The following SYNE2 variants were observed in gnomAD, a reference collection of about 807,000 sequenced individuals.
SYNE2 encodes spectrin repeat containing nuclear envelope protein 2, also known as nesprin-2.
In SYNE2, 431 loss-of-function variants were observed where a neutral mutation model predicts 856.3. The ratio of observed to expected loss-of-function variants is 0.50; its 90% CI spans 0.47 to 0.55. The LOEUF (loss-of-function observed/expected upper bound fraction) is 0.55, where lower values mean the gene tolerates loss of function less well. Ranked by LOEUF, SYNE2 falls within the 20% of genes least tolerant of loss-of-function variation. The pLI is 0.00. For missense variants in SYNE2, 8,129 were observed against 8,023.2 expected, an observed-to-expected ratio of 1.01 and a Z score of -0.50; for synonymous variants, 2,923 against 2,872.3, an observed-to-expected ratio of 1.02 and a Z score of -0.56.
chr14:64,144,153 C>G (rs1380801371), intron 83 of SYNE2, among the ~76,000 whole-genome samples: 1 of 152,078 alleles, frequency 6.6e-6, no homozygotes, highest in Non-Finnish European at 1.5e-5. Context: ...TTTGAGATTT[C>G]TTAGTGGGAA....
At chr14:64,186,965 A>G (rs1346647625) in intron 97 of SYNE2, among the ~76,000 whole-genome samples, 1 of 152,250 alleles carries the variant, frequency 6.6e-6, no homozygotes, top group Non-Finnish European at 1.5e-5. Context: ...GCCTAACAGC[A>G]GGAGTCTTAC....
chr14:64,208,870 C>T lies in SYNE2; in HGVS notation c.18314C>T (p.Ser6105Leu), dbSNP rs768807868. 22 of 1,614,060 alleles carry T rather than the reference C, an allele frequency of 1.4e-5. No individual in the cohort carries two copies. The highest frequency in any genetic ancestry group is 3.3e-5 in the Admixed American group (2 of 60,006). ...TGTGCAAATGAGACCGAGTGTGACTCGATCCAGCAGACCACCAGGAGCCTG... is the reference window on the plus strand; with the variant it reads ...TGTGCAAATGAGACCGAGTGTGACTTGATCCAGCAGACCACCAGGAGCCTG... ...DACANETECD[S>L]IQQTTRSLDR... is the part of the protein sequence containing the mutation. Residue 6105 changes from serine to leucine, a missense_variant, in exon 101 of 116, where the codon TCG becomes TTG. Ser to Leu is a moderately radical substitution (Grantham distance 145, BLOSUM62 -2). Coordinates refer to ENST00000555002, the MANE Select transcript of SYNE2 (RefSeq NM_182914.3).
chr14:63,847,562 C>T (rs1467127540), intron 1 of SYNE2, among the ~76,000 whole-genome samples: 1 of 151,014 alleles, frequency 6.6e-6, no homozygotes, highest in Admixed American at 6.6e-5. Context: ...TCCATATGTG[C>T]TTGGGAAGAA....
intron 57 of SYNE2, chr14:64,087,334 A>G (rs2097571175): frequency 2.1e-6 from 1 of 485,942 alleles, no homozygotes; most frequent in African/African-American, 2.0e-5. Context: ...AGCTATTTTG[A>G]CATCTTAAAT....
intron 96 of SYNE2, among the ~76,000 whole-genome samples, chr14:64,185,290 A>G (rs1567581660): frequency 6.6e-6 from 1 of 152,122 alleles, no homozygotes; most frequent in East Asian, 1.9e-4. Flanking sequence ...TTAAAAAGGC[A>G]TAGTATCTTA....
chr14:64,110,286 T>C (rs1434595391), intron 65 of SYNE2, among the ~76,000 whole-genome samples: 4 of 152,198 alleles, frequency 2.6e-5, no homozygotes, highest in Admixed American at 2.6e-4. Flanking sequence ...TGATTACTGA[T>C]TACTTCACTG....
At chr14:63,943,479 A>G (rs1319680652) in intron 6 of SYNE2, among the ~76,000 whole-genome samples, 1 of 152,122 alleles carries the variant, frequency 6.6e-6, no homozygotes, top group African/African-American at 2.4e-5. Context: ...AATTTAAAAC[A>G]TGCAGAGACA....
Position 64,141,358 on chromosome 14 carries a change from T to A in SYNE2, c.14994T>A (p.Val4998=). 1 of 1,613,224 alleles carries A rather than the reference T, an allele frequency of 6.2e-7. No individual in the cohort carries two copies. Among genetic ancestry groups the A allele is most frequent in the Non-Finnish European group, 8.5e-7 (1 of 1,179,798 alleles). The stretch of plus-strand genomic sequence containing the variant: ...TCCTTTAGGAGTTTTCAAAAGAAGT[T>A]GATGAAAAATCCTCCTTGAAGACTG... ...INNFFEFSKE[V]DEKSSLKTAV... is the part of the protein sequence containing the mutation. The change falls in exon 81 of 116, where the codon GTT becomes GTA. Residue 4998 remains valine (V), a synonymous_variant. Transcript: ENST00000555002.
chr14:63,999,582 G>C (rs2096738509), intron 27 of SYNE2, among the ~76,000 whole-genome samples: 1 of 152,214 alleles, frequency 6.6e-6, no homozygotes, highest in Non-Finnish European at 1.5e-5. Flanking sequence ...GCCTTCAGTG[G>C]AAGTTATTGC....
At chr14:63,786,390 A>T (rs901146901) in intron 1 of SYNE2, among the ~76,000 whole-genome samples, 2 of 152,236 alleles carry the variant, frequency 1.3e-5, no homozygotes, top group Admixed American at 6.5e-5. Flanking sequence ...TCTGGGTGAT[A>T]GAGCGAGATT....
chr14:64,129,848 G>A lies in SYNE2; in HGVS notation c.14086G>A (p.Gly4696Arg). 1.2e-6 allele frequency: 2 copies of A among 1,614,160 alleles called. No individual in the cohort carries two copies. Among genetic ancestry groups the A allele is most frequent in the Non-Finnish European group, 1.7e-6 (2 of 1,180,024 alleles). The change falls in exon 75 of 116, where the codon GGG (glycine) becomes AGG (arginine). Residue 4696 changes from glycine (G) to arginine (R), a missense_variant. Physicochemically the swap from Gly to Arg is moderately radical, Grantham distance 125. Transcript: ENST00000555002. The stretch of plus-strand genomic sequence containing the variant: ...CCGAGTGGCCAAACTAAGAGATGAA[G>A]GGGAGAGGCTTCATTTACCTTATGC... ...ESRVAKLRDE[G>R]ERLHLPYALL...
intron 87 of SYNE2, 125 bp downstream of exon 87, chr14:64,159,567 G>C: frequency 8.8e-7 from 1 of 1,131,408 alleles, no homozygotes; most frequent in Non-Finnish European, 1.3e-6. Flanking sequence ...TACTGTTCTG[G>C]TCTCTTCTGC....
intron 84 of SYNE2, among the ~76,000 whole-genome samples, chr14:64,151,404 AT>A (rs1227844313): frequency 1.6e-5 from 2 of 122,772 alleles, no homozygotes; most frequent in African/African-American, 6.1e-5. Flanking sequence ...CCATGCAGTG[AT>A]TCTTACAAAG....
chr14:64,049,517 A>T lies in SYNE2; in HGVS notation c.7378-94A>T, dbSNP rs903904277. On this transcript the variant is annotated intron_variant, in intron 46 of 115. Coordinates refer to ENST00000555002, the MANE Select transcript of SYNE2 (RefSeq NM_182914.3). ...GCAAATGAGTTACCCTCTTCCTGAG[A>T]TAGAGTGTGTTATCTCAAAGAGGAA... 16 of 1,325,218 alleles carry T rather than the reference A, an allele frequency of 1.2e-5. No individual in the cohort carries two copies. In the Admixed American group the frequency reaches 1.9e-4, roughly 16 times the overall value. The allele number at this position is 1,325,218 out of a possible 1,614,324, so 82.1% of individuals were successfully genotyped here.
intron 2 of SYNE2, among the ~76,000 whole-genome samples, chr14:63,913,667 T>A (rs2095500350): frequency 6.6e-6 from 1 of 151,704 alleles, no homozygotes; most frequent in Non-Finnish European, 1.5e-5. Context: ...TTCACCATGT[T>A]GGCCAGGTTG....
intron 31 of SYNE2, among the ~76,000 whole-genome samples, chr14:64,009,615 C>T (rs2075999706): frequency 1.3e-5 from 2 of 151,238 alleles, no homozygotes; most frequent in Admixed American, 6.6e-5. Flanking sequence ...AAATAATCTG[C>T]CAGAGTTATG....
chr14:64,105,446 G>T (rs2097764816), intron 64 of SYNE2, among the ~76,000 whole-genome samples: 1 of 152,136 alleles, frequency 6.6e-6, no homozygotes, highest in African/African-American at 2.4e-5. Flanking sequence ...CTAACATTTT[G>T]TTAGGAAATG....
intron 111 of SYNE2, 150 bp downstream of exon 111, chr14:64,220,787 A>C: frequency 1.0e-6 from 1 of 1,000,250 alleles, no homozygotes; most frequent in Non-Finnish European, 1.5e-6. Context: ...GTTTCCACAG[A>C]GGCTCACCGG....
intron 85 of SYNE2, among the ~76,000 whole-genome samples, chr14:64,153,423 A>G (rs77195760): frequency 0.011 from 1,658 of 152,304 alleles, 15 homozygotes; most frequent in Non-Finnish European, 0.016. Context: ...TATACCATCA[A>G]TTATAGATAT....
Sources: allele counts gnomAD v4.1 joint callset (sites outside exome capture counted in the v4.1 genomes callset), GRCh38; gene constraint gnomAD v4.1.1; transcripts MANE v1.5; gene names NCBI Gene and HGNC (gene_info 2026-07-23, HGNC 2026-07-21).